ZNF385D: variants seen among roughly 807,000 people sequenced by gnomAD.
The protein encoded by ZNF385D is zinc finger protein 385D.
In ZNF385D, 15 loss-of-function variants were observed where a neutral mutation model predicts 35.8. The observed-to-expected ratio is 0.42, with a 90% CI of 0.28 to 0.64. The LOEUF (loss-of-function observed/expected upper bound fraction) is 0.64, where lower values mean the gene tolerates loss of function less well. Ranked by LOEUF, ZNF385D falls within the 30% of genes least tolerant of loss-of-function variation. ZNF385D has a pLI of 0.23. For synonymous variants in ZNF385D, 212 were observed against 186.8 expected (o/e 1.13, Z -1.10); for missense variants, 474 against 494.6 (o/e 0.96, Z 0.39).
At chr3:22,251,768 A>G (rs1228689314) in intron 2 of ZNF385D, among the ~76,000 whole-genome samples, 1 of 152,052 alleles carries the variant, frequency 6.6e-6, no homozygotes, top group East Asian at 1.9e-4. Context: ...GGGAAATAAT[A>G]TAGCACAGTG....
intron 3 of ZNF385D, among the ~76,000 whole-genome samples, chr3:21,528,312 G>A (rs1475795831): frequency 6.6e-6 from 1 of 152,032 alleles, no homozygotes. Context: ...GCAATCTCAG[G>A]GGCATATAAA....
chr3:21,748,935 T>A (rs1225529890), intron 1 of ZNF385D, among the ~76,000 whole-genome samples: 1 of 152,168 alleles, frequency 6.6e-6, no homozygotes, highest in Non-Finnish European at 1.5e-5. Flanking sequence ...ATTTTTTTTT[T>A]AGAGACAGGT....
At chr3:22,226,318 G>C (rs978215376) in intron 2 of ZNF385D, among the ~76,000 whole-genome samples, 1 of 152,074 alleles carries the variant, frequency 6.6e-6, no homozygotes, top group Non-Finnish European at 1.5e-5. Flanking sequence ...CAGCACGACA[G>C]ACCAGTGGAA....
intron 3 of ZNF385D, among the ~76,000 whole-genome samples, chr3:22,150,529 A>T (rs1705156445): frequency 6.6e-6 from 1 of 152,112 alleles, no homozygotes; most frequent in Admixed American, 6.6e-5. Flanking sequence ...TAGGTTTTGA[A>T]TAGAAGTTAT....
At chr3:21,699,109 C>T (rs1454980472) in intron 1 of ZNF385D, among the ~76,000 whole-genome samples, 1 of 152,096 alleles carries the variant, frequency 6.6e-6, no homozygotes, top group East Asian at 1.9e-4. Context: ...CAATGATAGA[C>T]TGGATAAAGA....
At chr3:21,690,021 C>T (rs909332783) in intron 1 of ZNF385D, among the ~76,000 whole-genome samples, 1 of 151,732 alleles carries the variant, frequency 6.6e-6, no homozygotes, top group African/African-American at 2.4e-5. Flanking sequence ...TTAAAGATAA[C>T]AAATATGTTA....
chr3:22,352,889 A>G (rs1695981830), intron 2 of ZNF385D, among the ~76,000 whole-genome samples: 1 of 152,098 alleles, frequency 6.6e-6, no homozygotes, highest in Non-Finnish European at 1.5e-5. Context: ...GAGTCACTCA[A>G]TATCCATTTT....
chr3:21,571,863 A>C (rs1397883746), intron 2 of ZNF385D, among the ~76,000 whole-genome samples: 1 of 152,154 alleles, frequency 6.6e-6, no homozygotes, highest in African/African-American at 2.4e-5. Flanking sequence ...AGGATACTGA[A>C]TCAGAGCTTC....
At chr3:21,732,929 T>C (rs574403687) in intron 1 of ZNF385D, among the ~76,000 whole-genome samples, 1 of 152,348 alleles carries the variant, frequency 6.6e-6, no homozygotes, top group South Asian at 2.1e-4. Context: ...CTTTCGTGGA[T>C]CATGGCTTGG....
chr3:22,340,889 G>C (rs759543555), intron 2 of ZNF385D, among the ~76,000 whole-genome samples: 13 of 152,106 alleles, frequency 8.5e-5, no homozygotes, highest in Non-Finnish European at 1.5e-4. Context: ...CTATCACAAG[G>C]GAATTCTTTG....
At chr3:21,629,734 A>C (rs1334824695) in intron 2 of ZNF385D, among the ~76,000 whole-genome samples, 1 of 152,146 alleles carries the variant, frequency 6.6e-6, no homozygotes, top group Admixed American at 6.6e-5. Flanking sequence ...GGTTTACCAG[A>C]GAATGGAATC....
At position 21,771,242 on chromosome 3, in the gene ZNF385D, TAAA is replaced by T. The variant is rs111916347; in HGVS notation, c.326-106217_326-106215del. Among the ~76,000 whole-genome samples, 8 of 142,038 alleles carry T rather than the reference TAAA, an allele frequency of 5.6e-5. No individual in the cohort carries two copies. In the East Asian group the frequency reaches 1.6e-3, roughly 29 times the overall value. 93.2% of individuals were successfully genotyped at this position (142,038 alleles called of 152,430 possible). On this transcript the variant is annotated intron_variant, in intron 3 of 5. Coordinates refer to the ZNF385D transcript ENST00000494108. ...TACCCTAGAACTTAAAGTATAATAA[TAAA>T]AAAAAAAACCTGAGGAAGCCTTAAA...
chr3:22,129,529 T>C (rs1463293483), intron 3 of ZNF385D, among the ~76,000 whole-genome samples: 12 of 152,086 alleles, frequency 7.9e-5, no homozygotes, highest in Non-Finnish European at 1.3e-4. Context: ...GTTGAGCTAA[T>C]ACTCAGGTTG....
intron 1 of ZNF385D, among the ~76,000 whole-genome samples, chr3:21,719,678 T>C (rs1010483859): frequency 6.6e-6 from 1 of 152,184 alleles, no homozygotes; most frequent in Non-Finnish European, 1.5e-5. Flanking sequence ...CCCTCATGAA[T>C]AATCATGTAA....
Position 21,789,990 on chromosome 3 carries a change from T to TA in ZNF385D, c.326-124963dup. 1.3e-5 allele frequency among the ~76,000 whole-genome samples: 2 copies of TA among 152,280 alleles called. 1 individual carries two copies. The highest frequency in any genetic ancestry group is 4.1e-4 in the South Asian group (2 of 4,828). On this transcript the variant is annotated intron_variant, in intron 3 of 5. Transcript: ENST00000494108. ...TCAAAATGAAACACTTTCAAGCTGTTACTAGCCTCAGATAGATGTACATGA... is the reference window on the plus strand; with the variant it reads ...TCAAAATGAAACACTTTCAAGCTGTTAACTAGCCTCAGATAGATGTACATGA...
At chr3:21,782,519 T>C (rs1161056562) in intron 3 of ZNF385D, among the ~76,000 whole-genome samples, 6 of 152,116 alleles carry the variant, frequency 3.9e-5, no homozygotes, top group Admixed American at 2.0e-4. Context: ...ACACTGTGCA[T>C]AGATAATTAA....
At chr3:22,020,714 T>C (rs1697171140) in intron 3 of ZNF385D, among the ~76,000 whole-genome samples, 1 of 152,046 alleles carries the variant, frequency 6.6e-6, no homozygotes, top group Non-Finnish European at 1.5e-5. Context: ...AAAAGCAGTA[T>C]GGAGATTTCT....
At chr3:21,521,988 A>G (rs1559370056) in intron 3 of ZNF385D, among the ~76,000 whole-genome samples, 2 of 152,154 alleles carry the variant, frequency 1.3e-5, no homozygotes, top group African/African-American at 4.8e-5. Context: ...CTTGGGATAG[A>G]ATAGGGCCCT....
In ZNF385D at chr3:21,503,900, A is replaced by G. The variant is rs375634915; in HGVS notation, c.439+6961T>C. ...CATAGACCTTCTTAGCAATACATTC[A>G]AAAGTATTTTACTTTTGGTACCTTT... On this transcript the variant is annotated intron_variant, in intron 4 of 7. Coordinates refer to ENST00000281523, the MANE Select transcript of ZNF385D (RefSeq NM_024697.3). Among the ~76,000 whole-genome samples the G allele has an allele frequency of 5.9e-5, 9 of 152,300 alleles. No homozygotes were observed. In the South Asian group the frequency reaches 1.9e-3, roughly 32 times the overall value.
Sources: gnomAD v4.1 joint callset for allele counts (sites outside exome capture counted in the v4.1 genomes callset) on GRCh38, gnomAD v4.1.1 for gene constraint, MANE v1.5 for transcripts, NCBI Gene and HGNC (gene_info 2026-07-23, HGNC 2026-07-21) for gene names.